Variants in LSAMP observed in about 807,000 individuals in gnomAD.
The protein encoded by LSAMP is limbic system-associated membrane protein.
Under a neutral mutation model 38.6 loss-of-function variants are expected in LSAMP, and 7 were observed. The ratio of observed to expected loss-of-function variants is 0.18; its 90% CI spans 0.10 to 0.34. The LOEUF is 0.34. Ranked by LOEUF, LSAMP falls within the 10% of genes least tolerant of loss-of-function variation. The pLI is 1.00. For missense variants in LSAMP, 313 were observed against 420.0 expected (o/e 0.75, Z 2.23); for synonymous variants, 154 against 166.8 (o/e 0.92, Z 0.59).
intron 3 of LSAMP, among the ~76,000 whole-genome samples, chr3:115,924,835 C>A (rs1010891986): frequency 2.0e-5 from 3 of 152,204 alleles, no homozygotes; most frequent in African/African-American, 7.2e-5. Context: ...TAGGGTCCTA[C>A]TTCTCCCTTA....
chr3:115,858,370 T>C (rs1935574415), intron 3 of LSAMP, among the ~76,000 whole-genome samples: 1 of 152,160 alleles, frequency 6.6e-6, no homozygotes. Flanking sequence ...CTAATAATCA[T>C]TATAGTACCT....
At chr3:116,091,384 G>A (rs1340761621) in intron 1 of LSAMP, among the ~76,000 whole-genome samples, 1 of 152,168 alleles carries the variant, frequency 6.6e-6, no homozygotes, top group Non-Finnish European at 1.5e-5. Flanking sequence ...GTCCTGAGGT[G>A]ACATACATCC....
intron 3 of LSAMP, among the ~76,000 whole-genome samples, chr3:115,934,153 T>C (rs1937627262): frequency 6.8e-6 from 1 of 146,928 alleles, no homozygotes; most frequent in Admixed American, 7.0e-5. Context: ...GATGTGGTGT[T>C]TTATTTTTTA....
chr3:116,381,008 T>G (rs1010407137), intron 1 of LSAMP, among the ~76,000 whole-genome samples: 2 of 152,066 alleles, frequency 1.3e-5, no homozygotes, highest in East Asian at 3.9e-4. Flanking sequence ...TAAAATGAAT[T>G]CTGACAAAAT....
intron 1 of LSAMP, among the ~76,000 whole-genome samples, chr3:116,190,187 C>T (rs1177614593): frequency 6.6e-6 from 1 of 151,814 alleles, no homozygotes. Context: ...GATCTCCCCA[C>T]CTCCATTCCA....
chr3:116,261,976 G>A (rs2107659193), intron 1 of LSAMP, among the ~76,000 whole-genome samples: 1 of 151,512 alleles, frequency 6.6e-6, no homozygotes, highest in East Asian at 1.9e-4. Flanking sequence ...TTGAGCAAGG[G>A]TTTTTATACT....
chr3:116,224,420 C>T (rs1277277326), intron 1 of LSAMP, among the ~76,000 whole-genome samples: 1 of 152,138 alleles, frequency 6.6e-6, no homozygotes, highest in Admixed American at 6.5e-5. Context: ...TGGTTGCTGC[C>T]TTTCCTTTTA....
Position 115,804,473 on chromosome 3 carries a change from T to A in LSAMP, c.*5844A>T, listed in dbSNP as rs1176191008. 1.3e-5 allele frequency: 2 copies of A among 152,328 alleles called. No individual in the cohort carries two copies. Among genetic ancestry groups the A allele is most frequent in the East Asian group, 3.9e-4 (2 of 5,180 alleles). 9.4% of individuals were successfully genotyped at this position (152,328 alleles called of 1,614,324 possible). A position where few individuals can be genotyped will look rare whatever the true frequency, so the allele number is the denominator to read the frequency against. On this transcript the variant is annotated 3_prime_UTR_variant, in exon 7 of 7. Transcript: ENST00000490035. ...CTGACTCCCAATTCAATACACCTTC[T>A]ACCTCACTTTAAAGTTGTCAGTTTA... is the stretch of plus-strand genomic sequence containing the variant.
At chr3:115,979,939 C>T (rs1416312243) in intron 3 of LSAMP, among the ~76,000 whole-genome samples, 3 of 151,910 alleles carry the variant, frequency 2.0e-5, no homozygotes, top group Non-Finnish European at 4.4e-5. Flanking sequence ...TTAAAGGTGC[C>T]CTTTAATCAT....
chr3:116,196,902 A>T (rs1246751773), intron 1 of LSAMP, among the ~76,000 whole-genome samples: 1 of 152,088 alleles, frequency 6.6e-6, no homozygotes, highest in Non-Finnish European at 1.5e-5. Context: ...TCTGCAGAAC[A>T]ACTCCTGAGA....
In LSAMP at chr3:115,854,819, A is replaced by G. The variant is rs536296861; in HGVS notation, c.515-2202T>C. 2.6e-5 allele frequency among the ~76,000 whole-genome samples: 4 copies of G among 152,336 alleles called. No homozygotes were observed. The South Asian group carries it at 8.3e-4, about 32-fold the overall frequency. ...ACCCTGAAGGCTAATGGCAACTTTG[A>G]CAATTAGTTTTTTATTTAGCAGGCA... On this transcript the variant is annotated intron_variant, in intron 3 of 6. Transcript: ENST00000490035.
intron 1 of LSAMP, among the ~76,000 whole-genome samples, chr3:116,265,540 A>G (rs2046880050): frequency 6.6e-6 from 1 of 152,160 alleles, no homozygotes; most frequent in Non-Finnish European, 1.5e-5. Context: ...TGCTCTGGCC[A>G]TAAGAATCTA....
chr3:116,316,079 C>T (rs1169807853), intron 1 of LSAMP, among the ~76,000 whole-genome samples: 2 of 152,172 alleles, frequency 1.3e-5, no homozygotes, highest in Non-Finnish European at 2.9e-5. Flanking sequence ...AACAAAGTCA[C>T]AGAAGTGAGA....
At chr3:115,898,679 C>T (rs1005559530) in intron 3 of LSAMP, among the ~76,000 whole-genome samples, 33 of 151,870 alleles carry the variant, frequency 2.2e-4, no homozygotes, top group Admixed American at 2.2e-3. Flanking sequence ...TTGAGACTCA[C>T]CTAGTACCCA....
intron 1 of LSAMP, among the ~76,000 whole-genome samples, chr3:116,277,006 G>A (rs1422986670): frequency 6.6e-6 from 1 of 152,188 alleles, no homozygotes; most frequent in Non-Finnish European, 1.5e-5. Flanking sequence ...TACACATGGA[G>A]CAGAAGACAG....
chr3:115,993,426 T>G (rs1939728155), intron 3 of LSAMP, among the ~76,000 whole-genome samples: 2 of 152,236 alleles, frequency 1.3e-5, no homozygotes, highest in African/African-American at 4.8e-5. Flanking sequence ...AAGGAATCAA[T>G]TCCTCAAAAT....
rs1219296323 is a variant in LSAMP at position 116,232,699 on chromosome 3, C to CTTTTTTTTTTT, written c.156-146154_156-146144dup. Among the ~76,000 whole-genome samples, 88 of 99,450 alleles carry CTTTTTTTTTTT rather than the reference C, an allele frequency of 8.8e-4. 4 individuals are homozygous for CTTTTTTTTTTT. Among genetic ancestry groups the CTTTTTTTTTTT allele is most frequent in the East Asian group, 5.4e-3 (16 of 2,956 alleles). The allele number at this position is 99,450 out of a possible 152,430, so 65.2% of individuals were successfully genotyped here. ...TTAATTTTCTTTTCTTTCTTTCTTT[C>CTTTTTTTTTTT]TTTTTTTTTTTTTTTTTCCAGCAGG... On this transcript the variant is annotated intron_variant, in intron 1 of 6. Coordinates refer to ENST00000490035, the MANE Select transcript of LSAMP (RefSeq NM_002338.5).
intron 1 of LSAMP, among the ~76,000 whole-genome samples, chr3:116,209,470 T>C (rs1306970078): frequency 6.6e-6 from 1 of 152,232 alleles, no homozygotes; most frequent in Non-Finnish European, 1.5e-5. Flanking sequence ...TGAAATAATT[T>C]AGTTTGTTCC....
chr3:116,098,200 C>T (rs1391480970), intron 1 of LSAMP, among the ~76,000 whole-genome samples: 1 of 151,972 alleles, frequency 6.6e-6, no homozygotes, highest in East Asian at 1.9e-4. Context: ...ACGATGGATG[C>T]GTATAAATCA....
Sources: allele counts gnomAD v4.1 joint callset (sites outside exome capture counted in the v4.1 genomes callset), GRCh38; gene constraint gnomAD v4.1.1; transcripts MANE v1.5; gene names NCBI Gene and HGNC (gene_info 2026-07-23, HGNC 2026-07-21).